FOXN3: variants seen among roughly 807,000 people sequenced by gnomAD.
FOXN3 encodes the protein forkhead box protein N3.
In FOXN3, 7 loss-of-function variants were observed where a neutral mutation model predicts 38.4. The ratio of observed to expected loss-of-function variants is 0.18; its 90% confidence interval spans 0.10 to 0.34. FOXN3 has a LOEUF of 0.34. Ranked by LOEUF, FOXN3 falls within the 10% of genes least tolerant of loss-of-function variation. The pLI is 1.00. For synonymous variants in FOXN3, 230 were observed against 242.2 expected, an observed-to-expected ratio of 0.95 and a Z score of 0.47; for missense variants, 456 against 613.4, an observed-to-expected ratio of 0.74 and a Z score of 2.71.
chr14:89,405,129 C>A (rs1164299281), intron 2 of FOXN3, among the ~76,000 whole-genome samples: 2 of 151,920 alleles, frequency 1.3e-5, no homozygotes, highest in Non-Finnish European at 2.9e-5. Flanking sequence ...ACCTCAGTTT[C>A]TTTTTTTGTT....
intron 3 of FOXN3, among the ~76,000 whole-genome samples, chr14:89,318,200 C>T (rs187708506): frequency 7.5e-6 from 1 of 132,528 alleles, no homozygotes; most frequent in Admixed American, 8.2e-5. Flanking sequence ...CTCATGTTGC[C>T]CAGGCTGGAG....
intron 1 of FOXN3, among the ~76,000 whole-genome samples, chr14:89,441,757 G>C (rs1396950759): frequency 6.6e-6 from 1 of 152,106 alleles, no homozygotes; most frequent in Non-Finnish European, 1.5e-5. Context: ...GGAGGGAGGG[G>C]GGTGGAAGTA....
chr14:89,568,650 T>G (rs1895418147), intron 1 of FOXN3, among the ~76,000 whole-genome samples: 1 of 152,256 alleles, frequency 6.6e-6, no homozygotes. Flanking sequence ...CTTGTCTGTT[T>G]ACTTGCTAAT....
intron 4 of FOXN3, among the ~76,000 whole-genome samples, chr14:89,249,499 G>A (rs549507184): frequency 1.1e-4 from 16 of 152,278 alleles, no homozygotes; most frequent in African/African-American, 3.4e-4. Context: ...CTTCCAGCAC[G>A]GATCTCTCCA....
In FOXN3 at chr14:89,192,462, CTA is replaced by C. The variant is rs1176635055; in HGVS notation, c.746-11658_746-11657del. Among the ~76,000 whole-genome samples the C allele has an allele frequency of 2.8e-5, 4 of 140,584 alleles. No individual in the cohort carries two copies. In the South Asian group the frequency reaches 6.6e-4, roughly 23 times the overall value. The allele number at this position is 140,584 out of a possible 152,430, so 92.2% of individuals were successfully genotyped here. On this transcript the variant is annotated intron_variant, in intron 4 of 5. Transcript: ENST00000557258. ...ACATAAATTATATATTATATATAAA[CTA>C]TAGTTTATATATACTATTACATATA...
At chr14:89,426,532 G>T (rs1318790985) in intron 1 of FOXN3, among the ~76,000 whole-genome samples, 1 of 152,048 alleles carries the variant, frequency 6.6e-6, no homozygotes, top group East Asian at 1.9e-4. Flanking sequence ...CAGGAGTACT[G>T]ATTTTGAGAT....
chr14:89,467,804 G>GTTTTTTTT (rs68132432), intron 1 of FOXN3, among the ~76,000 whole-genome samples: 25 of 56,582 alleles, frequency 4.4e-4, no homozygotes, highest in East Asian at 6.4e-4. Context: ...TTCTTTCTTT[G>GTTTTTTTT]TTTTTTTTTT....
chr14:89,350,429 G>C (rs926587814), intron 3 of FOXN3: 1 of 351,178 alleles, frequency 2.8e-6, no homozygotes, highest in South Asian at 1.3e-4. Context: ...TTTCTACCCA[G>C]GAAGACATGA....
intron 3 of FOXN3, among the ~76,000 whole-genome samples, chr14:89,323,348 T>G (rs1187224269): frequency 2.7e-5 from 4 of 150,554 alleles, no homozygotes; most frequent in African/African-American, 7.3e-5. Flanking sequence ...GCACGAGTAT[T>G]TTGAAGGGGT....
At chr14:89,205,044 A>G (rs890305214) in intron 4 of FOXN3, among the ~76,000 whole-genome samples, 3 of 144,028 alleles carry the variant, frequency 2.1e-5, no homozygotes, top group African/African-American at 3.0e-5. Flanking sequence ...GAAAATCTCC[A>G]CAGAATTTTC....
intron 1 of FOXN3, among the ~76,000 whole-genome samples, chr14:89,512,235 A>G (rs1488018759): frequency 6.6e-6 from 1 of 152,226 alleles, no homozygotes. Flanking sequence ...CTTTTTCTCT[A>G]GGTTCTATGG....
At chr14:89,522,656 T>C (rs951320672) in intron 1 of FOXN3, among the ~76,000 whole-genome samples, 1 of 151,900 alleles carries the variant, frequency 6.6e-6, no homozygotes, top group African/African-American at 2.4e-5. Flanking sequence ...TAATATAATA[T>C]AGTTCAAAGG....
intron 3 of FOXN3, among the ~76,000 whole-genome samples, chr14:89,306,159 AAG>A (rs1887363258): frequency 1.3e-5 from 2 of 152,106 alleles, no homozygotes; most frequent in Non-Finnish European, 2.9e-5. Context: ...CTGTGTGGAG[AAG>A]AGTTTTTCAG....
At chr14:89,467,496 C>T (rs909299080) in intron 1 of FOXN3, among the ~76,000 whole-genome samples, 37 of 151,844 alleles carry the variant, frequency 2.4e-4, no homozygotes, top group African/African-American at 8.9e-4. Flanking sequence ...CCACCTAATC[C>T]CCGACATAAA....
At chr14:89,490,846 A>G (rs552660696) in intron 1 of FOXN3, among the ~76,000 whole-genome samples, 1 of 152,008 alleles carries the variant, frequency 6.6e-6, no homozygotes, top group Non-Finnish European at 1.5e-5. Context: ...CAAGGTTTTA[A>G]GAATTCAGTT....
At chr14:89,370,372 C>T (rs1890281452) in intron 2 of FOXN3, among the ~76,000 whole-genome samples, 1 of 152,220 alleles carries the variant, frequency 6.6e-6, no homozygotes, top group Non-Finnish European at 1.5e-5. Context: ...CAGAGCCAGG[C>T]TTCAAACCTG....
At chr14:89,234,957 T>G (rs1326752833) in intron 4 of FOXN3, among the ~76,000 whole-genome samples, 4 of 151,986 alleles carry the variant, frequency 2.6e-5, no homozygotes, top group African/African-American at 9.7e-5. Context: ...CCTCCCTAAT[T>G]CCCGCAGCAA....
At chr14:89,386,912 T>C (rs990520329) in intron 2 of FOXN3, among the ~76,000 whole-genome samples, 1 of 152,178 alleles carries the variant, frequency 6.6e-6, no homozygotes, top group Non-Finnish European at 1.5e-5. Flanking sequence ...ACCCCATCCG[T>C]ATGGTCTCAA....
intron 1 of FOXN3, among the ~76,000 whole-genome samples, chr14:89,513,129 C>T (rs1596303977): frequency 9.3e-6 from 1 of 107,612 alleles, no homozygotes; most frequent in African/African-American, 3.6e-5. Flanking sequence ...ACCTCGGCAA[C>T]AGAGTGAGAT....
Sources: gnomAD v4.1 joint callset for allele counts (sites outside exome capture counted in the v4.1 genomes callset) on GRCh38, gnomAD v4.1.1 for gene constraint, MANE v1.5 for transcripts, NCBI Gene and HGNC (gene_info 2026-07-23, HGNC 2026-07-21) for gene names.